BTRC: variants seen among roughly 807,000 people sequenced by gnomAD.
BTRC encodes the protein F-box/WD repeat-containing protein 1A.
In BTRC, 42 loss-of-function variants were observed where a neutral mutation model predicts 85.5. The ratio of observed to expected loss-of-function variants is 0.49; its 90% confidence interval spans 0.38 to 0.64. BTRC has a LOEUF of 0.64. BTRC is among the 30% of genes least tolerant of loss of function. The pLI is 0.00. For missense variants in BTRC, 594 were observed against 743.5 expected (o/e 0.80, Z 2.34); for synonymous variants, 255 against 263.3 (o/e 0.97, Z 0.30).
intron 4 of BTRC, among the ~76,000 whole-genome samples, chr10:101,495,699 A>G (rs1481039790): frequency 6.6e-6 from 1 of 152,202 alleles, no homozygotes; most frequent in Non-Finnish European, 1.5e-5. Context: ...AGGACAGTCT[A>G]TCTATAGCCA....
chr10:101,492,492 CTCTTAT>C (rs1946158853), intron 4 of BTRC, among the ~76,000 whole-genome samples: 2 of 152,066 alleles, frequency 1.3e-5, no homozygotes, highest in East Asian at 3.9e-4. Context: ...GTATATTTTT[CTCTTAT>C]TCTTGTGATT....
chr10:101,507,525 A>G (rs1445492810), intron 4 of BTRC, among the ~76,000 whole-genome samples: 1 of 152,226 alleles, frequency 6.6e-6, no homozygotes, highest in East Asian at 1.9e-4. Context: ...GAGAGATGAA[A>G]GAGAGGTGTT....
At chr10:101,533,293 T>G (rs2062328891) in intron 9 of BTRC, among the ~76,000 whole-genome samples, 1 of 152,234 alleles carries the variant, frequency 6.6e-6, no homozygotes, top group Admixed American at 6.5e-5. Context: ...CATTCTATTT[T>G]AATTTGGAGG....
chr10:101,553,328 G>A lies in BTRC; in HGVS notation c.*205G>A, dbSNP rs1195896092. The stretch of plus-strand genomic sequence containing the variant: ...CCAGGACGGTCTACTCAGCACAACT[G>A]ACTGCTTCAGTGCTGCTATCAGAAG... On this transcript the variant is annotated 3_prime_UTR_variant, in exon 15 of 15. Coordinates refer to ENST00000370187, the MANE Select transcript of BTRC (RefSeq NM_033637.4). 1.3e-5 allele frequency: 2 copies of A among 152,650 alleles called. No homozygotes were observed. Among genetic ancestry groups the A allele is most frequent in the African/African-American group, 4.8e-5 (2 of 41,436 alleles). The allele number at this position is 152,650 out of a possible 1,614,324, so 9.5% of individuals were successfully genotyped here. A position where few individuals can be genotyped will look rare whatever the true frequency, so the allele number is the denominator to read the frequency against.
At chr10:101,393,183 G>T (rs182262390) in intron 1 of BTRC, among the ~76,000 whole-genome samples, 2 of 152,130 alleles carry the variant, frequency 1.3e-5, no homozygotes, top group Non-Finnish European at 2.9e-5. Context: ...CTGGAGGGTG[G>T]TGTGCCCAGG....
intron 4 of BTRC, among the ~76,000 whole-genome samples, chr10:101,514,953 G>GTTTGT (rs909187705): frequency 8.6e-5 from 13 of 151,922 alleles, no homozygotes; most frequent in East Asian, 1.9e-4. Context: ...TTAGGGTTTT[G>GTTTGT]TTTGTTTTGT....
At chr10:101,522,408 C>CTT (rs1249866195) in intron 5 of BTRC, among the ~76,000 whole-genome samples, 4 of 33,344 alleles carry the variant, frequency 1.2e-4, no homozygotes, top group Non-Finnish European at 2.4e-4. Flanking sequence ...AATAAAGACT[C>CTT]CTTTTTTTTT....
At chr10:101,483,845 C>A (rs984118458) in intron 4 of BTRC, among the ~76,000 whole-genome samples, 4 of 152,076 alleles carry the variant, frequency 2.6e-5, no homozygotes, top group Admixed American at 1.3e-4. Context: ...TACTTGTCAA[C>A]CTTCATGATT....
chr10:101,556,159 CTG>C lies in BTRC; in HGVS notation c.*3039_*3040del, dbSNP rs1301844239. The C allele has an allele frequency of 2.6e-5, 4 of 152,198 alleles. No homozygotes were observed. The highest frequency in any genetic ancestry group is 6.5e-5 in the Admixed American group (1 of 15,284). 9.4% of individuals were successfully genotyped at this position (152,198 alleles called of 1,614,324 possible). A position where few individuals can be genotyped will look rare whatever the true frequency, so the allele number is the denominator to read the frequency against. On this transcript the variant is annotated 3_prime_UTR_variant, in exon 15 of 15. Transcript: ENST00000370187. ...TAACTTGTTTCCGAACTAGAAAAGT[CTG>C]TGAGACCCCTACATCATTCTGGTTT...
chr10:101,538,804 T>G (rs1480560048), intron 13 of BTRC, among the ~76,000 whole-genome samples: 2 of 152,016 alleles, frequency 1.3e-5, no homozygotes, highest in Admixed American at 1.3e-4. Flanking sequence ...TCCCAGCACT[T>G]TGGGAGGTCA....
chr10:101,407,546 A>ACCTGTAGTAG (rs1335721390), intron 1 of BTRC, among the ~76,000 whole-genome samples: 1 of 151,388 alleles, frequency 6.6e-6, no homozygotes, highest in Non-Finnish European at 1.5e-5. Flanking sequence ...ATGCGCCACT[A>ACCTGTAGTAG]CACCCAGCTA....
At chr10:101,546,310 A>T (rs1277948083) in intron 13 of BTRC, among the ~76,000 whole-genome samples, 1 of 152,238 alleles carries the variant, frequency 6.6e-6, no homozygotes, top group Non-Finnish European at 1.5e-5. Flanking sequence ...TAATGGAAAG[A>T]TAGCTGAAAA....
intron 5 of BTRC, among the ~76,000 whole-genome samples, chr10:101,522,197 C>G (rs1183411434): frequency 6.8e-6 from 1 of 146,486 alleles, no homozygotes; most frequent in Non-Finnish European, 1.5e-5. Flanking sequence ...CCCGCCACCA[C>G]ACTGGGCTAA....
chr10:101,547,707 A>C (rs572387407), intron 13 of BTRC, among the ~76,000 whole-genome samples: 1 of 152,330 alleles, frequency 6.6e-6, no homozygotes, highest in East Asian at 1.9e-4. Flanking sequence ...AAAATGTAAT[A>C]ATGTGCCAAT....
chr10:101,456,019 A>ACACACACACACACACACACACAC (rs1564784013), intron 2 of BTRC, among the ~76,000 whole-genome samples: 1 of 6,778 alleles, frequency 1.5e-4, no homozygotes, highest in East Asian at 4.1e-3. Context: ...CACACACACA[A>ACACACACACACACACACACACAC]AATTAGCTGG....
intron 1 of BTRC, among the ~76,000 whole-genome samples, chr10:101,366,948 T>TTATATAAATA (rs1942445741): frequency 7.9e-5 from 2 of 25,440 alleles, no homozygotes; most frequent in South Asian, 1.8e-3. Flanking sequence ...TTATATATAT[T>TTATATAAATA]TATATATATA....
In BTRC at chr10:101,442,887, C is replaced by A. The variant is rs945346547; in HGVS notation, c.156+12435C>A. Among the ~76,000 whole-genome samples the A allele has an allele frequency of 7.1e-4, 91 of 128,768 alleles. 5 individuals carry two copies. The highest frequency in any genetic ancestry group is 1.2e-4 in the Non-Finnish European group (8 of 65,078). The allele number at this position is 128,768 out of a possible 152,430, so 84.5% of individuals were successfully genotyped here. ...AAGTAAGTTGTACAGATCTCACTTGCTCTTTTTTTTTTTTTTTTTTTTGAG... is the reference window on the plus strand; with the variant it reads ...AAGTAAGTTGTACAGATCTCACTTGATCTTTTTTTTTTTTTTTTTTTTGAG... On this transcript the variant is annotated intron_variant, in intron 2 of 14. Transcript: ENST00000370187.
chr10:101,370,976 TGTG>T (rs1942619051), intron 1 of BTRC, among the ~76,000 whole-genome samples: 1 of 152,216 alleles, frequency 6.6e-6, no homozygotes, highest in Non-Finnish European at 1.5e-5. Flanking sequence ...CATTTTTTAT[TGTG>T]GTAAAATACA....
intron 6 of BTRC, among the ~76,000 whole-genome samples, chr10:101,527,761 GTCTCTCTCTCTCTCTC>G (rs5787436): frequency 7.0e-6 from 1 of 142,404 alleles, no homozygotes; most frequent in Non-Finnish European, 1.5e-5. Flanking sequence ...CTCTTTCTCT[GTCTCTCTCTCTCTCTC>G]TCTCTCTCTC....
Sources: allele counts gnomAD v4.1 joint callset (sites outside exome capture counted in the v4.1 genomes callset), GRCh38; gene constraint gnomAD v4.1.1; transcripts MANE v1.5; gene names NCBI Gene and HGNC (gene_info 2026-07-23, HGNC 2026-07-21).